Variants in SYT16 observed in about 807,000 individuals in gnomAD.
The protein encoded by SYT16 is synaptotagmin 16.
A neutral mutation model predicts 61.4 loss-of-function variants in SYT16; 42 were observed. The observed-to-expected ratio is 0.68, with a 90% CI of 0.53 to 0.89. The LOEUF (loss-of-function observed/expected upper bound fraction) is 0.89. Ranked by LOEUF, SYT16 falls within the 40% of genes least tolerant of loss-of-function variation. The pLI is 0.00. For missense variants in SYT16, 804 were observed against 807.3 expected (o/e 1.00, Z 0.05); for synonymous variants, 314 against 302.3 (o/e 1.04, Z -0.40).
chr14:62,098,593 A>G (rs1595410880), intron 7 of SYT16, among the ~76,000 whole-genome samples: 1 of 152,242 alleles, frequency 6.6e-6, no homozygotes, highest in East Asian at 1.9e-4. Flanking sequence ...AAGTTTGAAA[A>G]CTTGAGACTG....
At chr14:61,865,306 A>G in intron 1 of SYT16, 1 of 733,824 alleles carries the variant, frequency 1.4e-6, no homozygotes. Flanking sequence ...CTCTGAACGC[A>G]GGGATGCGGA....
chr14:61,969,403 G>A (rs1595046128), intron 1 of SYT16, among the ~76,000 whole-genome samples: 1 of 152,096 alleles, frequency 6.6e-6, no homozygotes, highest in African/African-American at 2.4e-5. Context: ...GCAATGGCTG[G>A]GACTCTTTGA....
intron 1 of SYT16, among the ~76,000 whole-genome samples, chr14:61,820,426 G>A (rs2045576176): frequency 6.8e-6 from 1 of 148,004 alleles, no homozygotes; most frequent in South Asian, 2.1e-4. Flanking sequence ...ACTGATGGAT[G>A]GCTATAGCAC....
Position 62,080,894 on chromosome 14 carries a change from G to A in SYT16, c.1054G>A (p.Gly352Ser). 6.2e-7 allele frequency: 1 copy of A among 1,604,820 alleles called. No homozygotes were observed. Among genetic ancestry groups the A allele is most frequent in the South Asian group, 1.1e-5 (1 of 89,108 alleles). ...SGVSEPISKC[G>S]DLDVIFEYRA... The stretch of plus-strand genomic sequence containing the variant: ...GGTCTCAGAGCCCATCTCAAAGTGT[G>A]GTGACCTAGATGTCATCTTTGAATA... Residue 352 changes from glycine (G) to serine (S), a missense_variant, in exon 6 of 8, where the codon GGT becomes AGT. Physicochemically the swap from Gly to Ser is moderately conservative, Grantham distance 56. Transcript: ENST00000683842.
At chr14:61,962,396 C>A (rs1037959688) in intron 1 of SYT16, among the ~76,000 whole-genome samples, 1 of 152,028 alleles carries the variant, frequency 6.6e-6, no homozygotes, top group African/African-American at 2.4e-5. Context: ...TCTGTTTGGG[C>A]GTCTCTTGAA....
At chr14:62,002,953 G>C (rs2053079529) in intron 3 of SYT16, among the ~76,000 whole-genome samples, 1 of 152,082 alleles carries the variant, frequency 6.6e-6, no homozygotes, top group South Asian at 2.1e-4. Flanking sequence ...AAAGGGGGAA[G>C]TCCCTTGTAA....
chr14:62,050,674 T>C (rs1228411122), intron 3 of SYT16, among the ~76,000 whole-genome samples: 3 of 152,204 alleles, frequency 2.0e-5, no homozygotes, highest in Non-Finnish European at 4.4e-5. Context: ...TTCTGTTTGT[T>C]AGTTTTCCTT....
At position 62,110,732 on chromosome 14, in the gene SYT16, A is replaced by G. The variant is rs909464227; in HGVS notation, c.*10025A>G. On this transcript the variant is annotated 3_prime_UTR_variant, in exon 8 of 8. Coordinates refer to ENST00000683842, the MANE Select transcript of SYT16 (RefSeq NM_001367656.1). ...ATCCATGTTTTCAGCAGGTTCGCCA[A>G]CCTTTGAGTTGAATGCAGACCTTTC... is the stretch of plus-strand genomic sequence containing the variant. The G allele has an allele frequency of 2.6e-5, 4 of 152,098 alleles. No individual in the cohort carries two copies. The highest frequency in any genetic ancestry group is 9.7e-5 in the African/African-American group (4 of 41,448). The allele number at this position is 152,098 out of a possible 1,614,324, so 9.4% of individuals were successfully genotyped here.
intron 1 of SYT16, among the ~76,000 whole-genome samples, chr14:61,938,917 T>C (rs961767999): frequency 6.6e-6 from 1 of 152,124 alleles, no homozygotes; most frequent in African/African-American, 2.4e-5. Flanking sequence ...GGCGGATCAC[T>C]TAAGGTCAGG....
chr14:62,090,991 C>A (rs186383166), intron 7 of SYT16, among the ~76,000 whole-genome samples: 1 of 152,262 alleles, frequency 6.6e-6, no homozygotes, highest in East Asian at 1.9e-4. Context: ...CCCCATGATT[C>A]AGTTACCTCC....
chr14:61,821,510 G>C (rs901018329), intron 1 of SYT16, among the ~76,000 whole-genome samples: 1 of 152,170 alleles, frequency 6.6e-6, no homozygotes, highest in African/African-American at 2.4e-5. Flanking sequence ...CCACTACTGA[G>C]CTCATGGGCA....
intron 3 of SYT16, among the ~76,000 whole-genome samples, chr14:62,010,592 G>A (rs138804628): frequency 1.1e-3 from 164 of 152,264 alleles, no homozygotes; most frequent in African/African-American, 3.9e-3. Flanking sequence ...TGGAATTTCT[G>A]CTATCCTAGA....
rs577530384 is a variant in SYT16 at position 62,012,713 on chromosome 14, A to AT, written c.523+16180dup. 4.8e-3 allele frequency among the ~76,000 whole-genome samples: 733 copies of AT among 151,708 alleles called. 4 individuals carry two copies. The highest frequency in any genetic ancestry group is 0.017 in the African/African-American group (687 of 41,406). ...TCATGTGAGTTATTTACTCTTATAG[A>AT]TTTTTTTTTAGGTGAGGAAATTATA... On this transcript the variant is annotated intron_variant, in intron 3 of 7. Transcript: ENST00000683842.
intron 1 of SYT16, among the ~76,000 whole-genome samples, chr14:61,936,668 C>G (rs1019064240): frequency 6.6e-6 from 1 of 152,206 alleles, no homozygotes; most frequent in Non-Finnish European, 1.5e-5. Flanking sequence ...GACTTTCTCT[C>G]TGCTCCCTGT....
chr14:61,907,590 C>T (rs1043519534), intron 1 of SYT16, among the ~76,000 whole-genome samples: 2 of 152,282 alleles, frequency 1.3e-5, no homozygotes, highest in African/African-American at 4.8e-5. Flanking sequence ...AGTTGCTCAC[C>T]GTGTGGGCCT....
intron 4 of SYT16, among the ~76,000 whole-genome samples, chr14:62,072,790 G>A (rs2056346311): frequency 1.3e-5 from 2 of 152,052 alleles, no homozygotes; most frequent in Admixed American, 6.6e-5. Context: ...GGTGGTGATC[G>A]GGGAGAGAGG....
chr14:61,975,831 C>T (rs1377373074), intron 2 of SYT16, among the ~76,000 whole-genome samples: 1 of 152,168 alleles, frequency 6.6e-6, no homozygotes, highest in African/African-American at 2.4e-5. Context: ...AATCTCATGT[C>T]TCTTTCGCAT....
At chr14:61,894,291 TA>T (rs777805364) in intron 1 of SYT16, among the ~76,000 whole-genome samples, 1,707 of 129,368 alleles carry the variant, frequency 0.013, 8 homozygotes, top group Non-Finnish European at 0.016. Flanking sequence ...GTCTCGAAAT[TA>T]AAAAAAAAAA....
intron 1 of SYT16, among the ~76,000 whole-genome samples, chr14:61,882,043 C>T (rs1360434568): frequency 6.6e-6 from 1 of 152,108 alleles, no homozygotes; most frequent in Non-Finnish European, 1.5e-5. Flanking sequence ...GAAACAGCTT[C>T]GAATCTGTTT....
Sources: allele counts gnomAD v4.1 joint callset (sites outside exome capture counted in the v4.1 genomes callset), GRCh38; gene constraint gnomAD v4.1.1; transcripts MANE v1.5; gene names NCBI Gene and HGNC (gene_info 2026-07-23, HGNC 2026-07-21).